SMARCE1: variants seen among roughly 807,000 people sequenced by gnomAD.
SMARCE1 encodes SWI/SNF related BAF chromatin remodeling complex subunit E1.
A neutral mutation model predicts 54.9 loss-of-function variants in SMARCE1; 13 were observed. That is an observed-to-expected ratio of 0.24 (90% CI 0.15 to 0.38). SMARCE1 has a LOEUF of 0.38. Ranked by LOEUF, SMARCE1 falls within the 10% of genes least tolerant of loss-of-function variation. The pLI, the probability that SMARCE1 is intolerant of heterozygous loss-of-function variation, is 1.00. For missense variants in SMARCE1, 295 were observed against 523.8 expected, an observed-to-expected ratio of 0.56 and a Z score of 4.26; for synonymous variants, 151 against 175.3, an observed-to-expected ratio of 0.86 and a Z score of 1.10.
At position 40,645,778 on chromosome 17, in the gene SMARCE1, A is replaced by G; in HGVS notation, c.7+18T>C. ...CTCTTATTAACATAGATTGATAAATATAAAAATTGAAACTTACTTGACATT... is the reference window on the plus strand; with the variant it reads ...CTCTTATTAACATAGATTGATAAATGTAAAAATTGAAACTTACTTGACATT... On this transcript the variant is annotated intron_variant, in intron 2 of 10. Transcript: ENST00000348513. The G allele has an allele frequency of 8.7e-7, 1 of 1,150,348 alleles. No individual in the cohort carries two copies. The highest frequency in any genetic ancestry group is 1.2e-6 in the Non-Finnish European group (1 of 842,464). 71.3% of individuals were successfully genotyped at this position (1,150,348 alleles called of 1,614,324 possible).
At chr17:40,645,251 T>C (rs960514143) in intron 3 of SMARCE1, 14 of 385,014 alleles carry the variant, frequency 3.6e-5, no homozygotes, top group Non-Finnish European at 5.0e-5. Context: ...ATTCACTCAG[T>C]AACAACTTAA....
At chr17:40,629,826 T>G (rs772645427) in intron 10 of SMARCE1, 63 of 380,100 alleles carry the variant, frequency 1.7e-4, no homozygotes, top group Non-Finnish European at 1.9e-4. Flanking sequence ...TTCATTACAA[T>G]AAAAAACACA....
chr17:40,645,014 A>G (rs1302983266), intron 3 of SMARCE1: 1 of 152,766 alleles, frequency 6.5e-6, no homozygotes, highest in Non-Finnish European at 1.5e-5. Flanking sequence ...TACTTAAAAC[A>G]TATATACTTC....
At chr17:40,631,025 T>G in intron 9 of SMARCE1, 101 bp from the exon 10 acceptor site, 2 of 832,106 alleles carry the variant, frequency 2.4e-6, no homozygotes, top group Non-Finnish European at 3.7e-6. Flanking sequence ...AAACTATATA[T>G]ATATATCTAT....
chr17:40,638,528 G>C (rs2037166570), intron 4 of SMARCE1, among the ~76,000 whole-genome samples: 1 of 152,102 alleles, frequency 6.6e-6, no homozygotes, highest in Non-Finnish European at 1.5e-5. Context: ...GTGGCTTAAA[G>C]TCTAGGTGAG....
rs746329298 is a variant in SMARCE1 at position 40,642,315 on chromosome 17, A to T, written c.156+140T>A. 3 of 707,870 alleles carry T rather than the reference A, an allele frequency of 4.2e-6. No homozygotes were observed. The highest frequency in any genetic ancestry group is 7.8e-6 in the Non-Finnish European group (3 of 386,044). 43.8% of individuals were successfully genotyped at this position (707,870 alleles called of 1,614,324 possible). A position where few individuals can be genotyped will look rare whatever the true frequency, so the allele number is the denominator to read the frequency against. On this transcript the variant is annotated intron_variant, in intron 4 of 10. Transcript: ENST00000348513. This position sits in a 1 kb window ranked among gnomAD's most constrained non-coding sequence, Gnocchi z 4.6. ...TTTTTCAGTGTGAGATGCTACAACG[A>T]ATGTTGAAAATACTCAAAAAGCTAG... is the stretch of plus-strand genomic sequence containing the variant.
rs939689702 is a variant in SMARCE1, at chr17:40,628,498, G to C, written c.*287C>G. The C allele has an allele frequency of 8.7e-6, 3 of 343,284 alleles. No homozygotes were observed. Among genetic ancestry groups the C allele is most frequent in the African/African-American group, 6.3e-5 (3 of 47,338 alleles). The allele number at this position is 343,284 out of a possible 1,614,324, so 21.3% of individuals were successfully genotyped here. A position where few individuals can be genotyped will look rare whatever the true frequency, so the allele number is the denominator to read the frequency against. ...TAAGAGTAGATTCTGCAGCATCAAA[G>C]GATAATTCTCTAAAAGAGGTGGGTG... On this transcript the variant is annotated 3_prime_UTR_variant, in exon 11 of 11. Transcript: ENST00000348513.
At chr17:40,630,272 G>A in intron 10 of SMARCE1, 2 of 1,534,858 alleles carry the variant, frequency 1.3e-6, no homozygotes, top group Non-Finnish European at 1.8e-6. Context: ...CTAGGACAGA[G>A]CTGGCAATTT....
In SMARCE1 at chr17:40,632,363, A is replaced by G. The variant is rs1555605440; in HGVS notation, c.546T>C (p.Tyr182=). Residue 182 remains tyrosine, a synonymous_variant, in exon 8 of 11, where the codon TAT becomes TAC. Coordinates refer to ENST00000348513, the MANE Select transcript of SMARCE1 (RefSeq NM_003079.5). ...SIQPAEDPDD[Y]DDGFSMKHTA... ...TATGCTTCATTGAAAAGCCATCATC[A>G]TAATCTGGAGTGAACAAATTGTTCT... The G allele has an allele frequency of 6.2e-7, 1 of 1,613,750 alleles. No individual in the cohort carries two copies.
intron 8 of SMARCE1, 37 bp downstream of exon 8, chr17:40,632,158 G>C (rs755737788): frequency 6.6e-7 from 1 of 1,524,674 alleles, no homozygotes; most frequent in South Asian, 1.2e-5. Flanking sequence ...TTGTGGTATA[G>C]GCACATCTTA....
intron 7 of SMARCE1, 40 bp downstream of exon 7, chr17:40,635,891 C>T (rs1567847009): frequency 7.0e-7 from 1 of 1,432,390 alleles, no homozygotes. Flanking sequence ...TCTTAACTCA[C>T]AGAGAAAGCA....
At chr17:40,639,528 G>C (rs55664118) in intron 4 of SMARCE1, among the ~76,000 whole-genome samples, 1 of 151,854 alleles carries the variant, frequency 6.6e-6, no homozygotes. Flanking sequence ...ATTTTTCAAA[G>C]AATCACATTT....
At chr17:40,635,727 T>C (rs1431369761) in intron 7 of SMARCE1, 1 of 380,580 alleles carries the variant, frequency 2.6e-6, no homozygotes, top group African/African-American at 2.1e-5. Context: ...ATTTTTGCTA[T>C]TTTCTGCACT....
rs370270465 is a variant in SMARCE1 at position 40,630,693 on chromosome 17, C to T, written c.1027+21G>A. 4.4e-5 allele frequency: 71 copies of T among 1,599,540 alleles called. No homozygotes were observed. In the African/African-American group the frequency reaches 5.5e-4, roughly 12 times the overall value. On this transcript the variant is annotated intron_variant, in intron 10 of 10. Coordinates refer to ENST00000348513, the MANE Select transcript of SMARCE1 (RefSeq NM_003079.5). ...GTACAAAGTCTTGGCACTGCCTCTG[C>T]GTTTGTTGCTAGTGGGTTACCTGTC...
chr17:40,628,812 G>A lies in SMARCE1; in HGVS notation c.1209C>T (p.Pro403=), dbSNP rs761485678. ...ATTCTTTTTTCTCATCTTCTGGTAT[G>A]GGATCTGTTGGTGGCTCCTCCACTG... ...SATVEEPPTD[P]IPEDEKKE is the part of the protein sequence containing the mutation. The change falls in exon 11 of 11, where the codon CCC becomes CCT. Residue 403 remains proline (P), a synonymous_variant. Coordinates refer to ENST00000348513, the MANE Select transcript of SMARCE1 (RefSeq NM_003079.5). The A allele has an allele frequency of 7.4e-6, 12 of 1,613,196 alleles. No homozygotes were observed. The African/African-American group carries it at 1.6e-4, about 22-fold the overall frequency.
chr17:40,629,089 T>G (rs1597741382), intron 10 of SMARCE1, 96 bp from the exon 11 acceptor site: 2 of 966,458 alleles, frequency 2.1e-6, no homozygotes, highest in East Asian at 4.9e-5. Context: ...TAGAAGCCAC[T>G]AGCCACATGT....
At chr17:40,631,468 A>G in intron 9 of SMARCE1, 124 bp downstream of exon 9, 1 of 600,162 alleles carries the variant, frequency 1.7e-6, no homozygotes, top group Non-Finnish European at 2.9e-6. Context: ...CAGGTTTATA[A>G]TAAAGTTAGC....
At chr17:40,645,722 T>C (rs1276325614) in intron 2 of SMARCE1, 74 bp downstream of exon 2, 4 of 1,103,650 alleles carry the variant, frequency 3.6e-6, no homozygotes, top group Non-Finnish European at 3.8e-6. Context: ...AATGAGAGTA[T>C]TTTGGAATTC....
chr17:40,635,492 C>G (rs1357439257), intron 7 of SMARCE1: 1 of 153,492 alleles, frequency 6.5e-6, no homozygotes, highest in Non-Finnish European at 1.4e-5. Flanking sequence ...TTTATACATT[C>G]TTATTGGATT....
Sources: allele counts gnomAD v4.1 joint callset (sites outside exome capture counted in the v4.1 genomes callset), GRCh38; gene constraint gnomAD v4.1.1; non-coding constraint Gnocchi (gnomAD v3.1); transcripts MANE v1.5; gene names NCBI Gene and HGNC (gene_info 2026-07-23, HGNC 2026-07-21).